FBLN2: variants seen among roughly 807,000 people sequenced by gnomAD.
FBLN2 encodes the protein fibulin-2.
Under a neutral mutation model 123.7 loss-of-function variants are expected in FBLN2, and 81 were observed. The observed-to-expected ratio is 0.65, with a 90% confidence interval of 0.55 to 0.79. The LOEUF (loss-of-function observed/expected upper bound fraction) is 0.79, where lower values mean the gene tolerates loss of function less well. FBLN2 is among the 30% of genes least tolerant of loss of function. The pLI is 0.00. For missense variants in FBLN2, 1,603 were observed against 1,681.3 expected, an observed-to-expected ratio of 0.95 and a Z score of 0.81; for synonymous variants, 699 against 701.4, an observed-to-expected ratio of 1.00 and a Z score of 0.05.
At chr3:13,554,408 C>A (rs75588561) in intron 1 of FBLN2, among the ~76,000 whole-genome samples, 5 of 152,340 alleles carry the variant, frequency 3.3e-5, no homozygotes, top group Non-Finnish European at 5.9e-5. Flanking sequence ...AACCTTGGTC[C>A]CAAGTTGAGC....
chr3:13,629,929 C>T lies in FBLN2; in HGVS notation c.2952C>T (p.Asp984=), dbSNP rs553735734. The change falls in exon 14 of 18, where the codon GAC becomes GAT. Residue 984 remains aspartate (D), a synonymous_variant. Coordinates refer to ENST00000404922, the MANE Select transcript of FBLN2 (RefSeq NM_001004019.2). ...SCASGFLLAA[D]GKRCEDVNEC... The stretch of plus-strand genomic sequence containing the variant: ...CCTCCGGGTTCCTGCTAGCAGCGGA[C>T]GGCAAGCGCTGTGAAGGTAGGCTGG... 39 of 1,610,414 alleles carry T rather than the reference C, an allele frequency of 2.4e-5. No individual in the cohort carries two copies. The highest frequency in any genetic ancestry group is 1.5e-4 in the African/African-American group (11 of 75,016).
chr3:13,554,157 A>T (rs962087303), intron 1 of FBLN2, among the ~76,000 whole-genome samples: 8 of 152,128 alleles, frequency 5.3e-5, no homozygotes, highest in Admixed American at 1.3e-4. Context: ...ATGAATGGAG[A>T]GCCCCAGGCC....
chr3:13,624,301 C>T (rs1705951402), intron 9 of FBLN2, among the ~76,000 whole-genome samples: 1 of 152,238 alleles, frequency 6.6e-6, no homozygotes, highest in Admixed American at 6.5e-5. Context: ...CTCTAAACCA[C>T]CTGACCCTGG....
At chr3:13,633,084 ACT>A (rs1706314286) in intron 16 of FBLN2, among the ~76,000 whole-genome samples, 1 of 151,572 alleles carries the variant, frequency 6.6e-6, no homozygotes, top group African/African-American at 2.4e-5. Context: ...TTGAGGACAG[ACT>A]CTCCCTGGCT....
At chr3:13,617,492 A>G (rs1705662763) in intron 5 of FBLN2, among the ~76,000 whole-genome samples, 1 of 149,464 alleles carries the variant, frequency 6.7e-6, no homozygotes, top group Admixed American at 6.6e-5. Context: ...TCATCCGTCT[A>G]CCCATGTATC....
At chr3:13,607,828 G>A (rs1046434850) in intron 2 of FBLN2, among the ~76,000 whole-genome samples, 2 of 152,120 alleles carry the variant, frequency 1.3e-5, no homozygotes, top group African/African-American at 2.4e-5. Context: ...CTGAGCTCTG[G>A]CCCCATGTTA....
chr3:13,603,787 T>G (rs1332126929), intron 2 of FBLN2, among the ~76,000 whole-genome samples: 1 of 152,232 alleles, frequency 6.6e-6, no homozygotes, highest in Non-Finnish European at 1.5e-5. Flanking sequence ...GTATTTCTAG[T>G]TCTAGATCCC....
intron 2 of FBLN2, among the ~76,000 whole-genome samples, chr3:13,594,799 C>G (rs988940200): frequency 2.6e-5 from 4 of 152,188 alleles, no homozygotes; most frequent in African/African-American, 9.7e-5. Context: ...GGTCCAGACC[C>G]TATGCAGGAT....
intron 5 of FBLN2, among the ~76,000 whole-genome samples, chr3:13,617,627 C>T (rs1158285894): frequency 6.9e-6 from 1 of 144,628 alleles, no homozygotes; most frequent in Non-Finnish European, 1.5e-5. Context: ...ATCCACCCAT[C>T]CACCCACCCA....
chr3:13,559,912 G>A (rs1415213462), intron 1 of FBLN2, among the ~76,000 whole-genome samples: 1 of 152,200 alleles, frequency 6.6e-6, no homozygotes. Context: ...GCATGGGTGT[G>A]CCTCCTTCTA....
At chr3:13,576,728 C>CT (rs1491538590) in intron 2 of FBLN2, among the ~76,000 whole-genome samples, 3 of 151,676 alleles carry the variant, frequency 2.0e-5, no homozygotes, top group Non-Finnish European at 4.4e-5. Flanking sequence ...GATCCCCCCC[C>CT]CCCGGGTTCA....
intron 2 of FBLN2, among the ~76,000 whole-genome samples, chr3:13,585,097 G>A (rs766140616): frequency 5.3e-5 from 8 of 152,370 alleles, no homozygotes; most frequent in South Asian, 2.1e-4. Flanking sequence ...GAGCCTGGAT[G>A]CAGGAGCAGG....
At chr3:13,570,210 G>C in intron 1 of FBLN2, 105 bp from the exon 2 acceptor site, 3 of 1,257,726 alleles carry the variant, frequency 2.4e-6, no homozygotes. Flanking sequence ...GAGCGCATGC[G>C]TGTGAGGTGG....
At chr3:13,633,760 C>G (rs1349905373) in intron 16 of FBLN2, among the ~76,000 whole-genome samples, 1 of 152,122 alleles carries the variant, frequency 6.6e-6, no homozygotes, top group African/African-American at 2.4e-5. Flanking sequence ...TAGACTCAGC[C>G]CTCTCACCTG....
chr3:13,562,391 G>A (rs557297608), intron 1 of FBLN2, among the ~76,000 whole-genome samples: 27 of 144,346 alleles, frequency 1.9e-4, no homozygotes, highest in African/African-American at 6.4e-4. Context: ...GAGTCTTGCC[G>A]TGTCGCCCAG....
At chr3:13,606,737 C>T (rs1474825216) in intron 2 of FBLN2, among the ~76,000 whole-genome samples, 1 of 152,118 alleles carries the variant, frequency 6.6e-6, no homozygotes, top group Non-Finnish European at 1.5e-5. Context: ...CCACAACCTC[C>T]GCCTCCCAGG....
In FBLN2 at chr3:13,638,341, A is replaced by G; in HGVS notation, c.*422A>G. The G allele has an allele frequency of 2.7e-6, 1 of 374,502 alleles. No individual in the cohort carries two copies. Among genetic ancestry groups the G allele is most frequent in the South Asian group, 2.0e-5 (1 of 50,164 alleles). 23.2% of individuals were successfully genotyped at this position (374,502 alleles called of 1,614,324 possible). On this transcript the variant is annotated 3_prime_UTR_variant, in exon 18 of 18. Transcript: ENST00000404922. ...GTTTTTTGTTTAACTATAAAGTAGT[A>G]CATGTACATTATATAAAAAAAAGTT... is the stretch of plus-strand genomic sequence containing the variant.
At chr3:13,567,011 G>C (rs1207908921) in intron 1 of FBLN2, among the ~76,000 whole-genome samples, 1 of 152,246 alleles carries the variant, frequency 6.6e-6, no homozygotes, top group Admixed American at 6.5e-5. Context: ...GCAGAGTCAG[G>C]CTTGGGCCTG....
At chr3:13,617,330 C>T (rs1052777080) in intron 5 of FBLN2, among the ~76,000 whole-genome samples, 2 of 151,942 alleles carry the variant, frequency 1.3e-5, no homozygotes, top group Non-Finnish European at 2.9e-5. Context: ...ATTCATCCAT[C>T]CATTCACGTA....
Sources: allele counts gnomAD v4.1 joint callset (sites outside exome capture counted in the v4.1 genomes callset), GRCh38; gene constraint gnomAD v4.1.1; transcripts MANE v1.5; gene names NCBI Gene and HGNC (gene_info 2026-07-23, HGNC 2026-07-21).